NAV2: variants seen among roughly 807,000 people sequenced by gnomAD.
NAV2 encodes the protein helicase, APC down-regulated 1.
In NAV2, 54 loss-of-function variants were observed where a neutral mutation model predicts 223.2. The observed-to-expected ratio is 0.24, with a 90% CI of 0.19 to 0.30. The LOEUF (loss-of-function observed/expected upper bound fraction) is 0.30. NAV2 is among the 10% of genes least tolerant of loss of function. NAV2 has a pLI of 1.00. For missense variants in NAV2, 2,806 were observed against 3,147.5 expected, an observed-to-expected ratio of 0.89 and a Z score of 2.60; for synonymous variants, 1,279 against 1,239.3, an observed-to-expected ratio of 1.03 and a Z score of -0.67.
intron 3 of NAV2, among the ~76,000 whole-genome samples, chr11:19,846,490 A>G (rs1260361022): frequency 6.6e-6 from 1 of 152,186 alleles, no homozygotes; most frequent in South Asian, 2.1e-4. Context: ...TTCTAAAGGA[A>G]AAAATTCGAG....
At position 19,775,245 on chromosome 11, in the gene NAV2, T is replaced by C. The variant is rs551081516; in HGVS notation, c.268-57239T>C. 3.3e-4 allele frequency among the ~76,000 whole-genome samples: 51 copies of C among 152,392 alleles called. 1 individual carries two copies. In the South Asian group the frequency reaches 0.011, roughly 32 times the overall value. Reference sequence around the variant, plus strand: ...CAAATGACACATGCTCTCTCATTTCTGATATGTTGTCCTAGCCTGTGCCCC... The same window carrying C: ...CAAATGACACATGCTCTCTCATTTCCGATATGTTGTCCTAGCCTGTGCCCC... On this transcript the variant is annotated intron_variant, in intron 1 of 37. Transcript: ENST00000349880.
intron 3 of NAV2, among the ~76,000 whole-genome samples, chr11:19,849,635 A>G (rs1490373734): frequency 6.6e-6 from 1 of 152,182 alleles, no homozygotes; most frequent in African/African-American, 2.4e-5. Flanking sequence ...ATGCCTGGGG[A>G]GTGTCTGAGA....
chr11:19,950,001 G>A (rs1261233779), intron 10 of NAV2, among the ~76,000 whole-genome samples: 1 of 152,164 alleles, frequency 6.6e-6, no homozygotes, highest in Non-Finnish European at 1.5e-5. Flanking sequence ...ATAGCACGAG[G>A]CCTGGCTGGT....
chr11:19,349,903 T>A (rs1429852920), upstream of NAV2, among the ~76,000 whole-genome samples: 2 of 152,132 alleles, frequency 1.3e-5, no homozygotes, highest in Non-Finnish European at 2.9e-5. Flanking sequence ...TGCGGCTCCA[T>A]AGGCAGTTGC....
intron 1 of NAV2, among the ~76,000 whole-genome samples, chr11:19,772,517 A>G (rs974286136): frequency 6.6e-6 from 1 of 152,174 alleles, no homozygotes; most frequent in African/African-American, 2.4e-5. Context: ...AGCCACTACT[A>G]TGGCTAGGGT....
chr11:19,497,403 GAT>G (rs2042830351), intron 1 of NAV2, among the ~76,000 whole-genome samples: 1 of 152,226 alleles, frequency 6.6e-6, no homozygotes, highest in African/African-American at 2.4e-5. Context: ...CCTTGACAGA[GAT>G]AGAAGATGCC....
At chr11:20,044,829 A>C (rs1411966405) in intron 13 of NAV2, 139 bp from the exon 14 acceptor site, 1 of 657,762 alleles carries the variant, frequency 1.5e-6, no homozygotes, top group Non-Finnish European at 2.6e-6. Context: ...AGACTATATT[A>C]TTTTTATAAA....
At chr11:19,888,628 T>C (rs2041230343) in intron 5 of NAV2, among the ~76,000 whole-genome samples, 1 of 152,156 alleles carries the variant, frequency 6.6e-6, no homozygotes, top group African/African-American at 2.4e-5. Context: ...CAGGACCAAG[T>C]CCAAGCTCCA....
chr11:19,914,659 C>T (rs1015465187), intron 6 of NAV2, among the ~76,000 whole-genome samples: 1 of 151,932 alleles, frequency 6.6e-6, no homozygotes, highest in Non-Finnish European at 1.5e-5. Flanking sequence ...ATTCTCCTGC[C>T]TCAGCCTCCC....
At chr11:19,520,686 G>A (rs1939021717) in intron 1 of NAV2, among the ~76,000 whole-genome samples, 1 of 152,180 alleles carries the variant, frequency 6.6e-6, no homozygotes, top group Non-Finnish European at 1.5e-5. Context: ...GAGGACATGA[G>A]CTCCCCAGGA....
intron 6 of NAV2, among the ~76,000 whole-genome samples, chr11:19,915,327 G>A (rs1327667197): frequency 6.6e-6 from 1 of 152,192 alleles, no homozygotes; most frequent in Non-Finnish European, 1.5e-5. Flanking sequence ...GGAAATTGTA[G>A]CCAGGTAAAC....
chr11:19,570,615 G>A (rs1037512201), intron 1 of NAV2, among the ~76,000 whole-genome samples: 12 of 152,138 alleles, frequency 7.9e-5, no homozygotes, highest in Admixed American at 2.0e-4. Context: ...CAATTAAAAA[G>A]TGAGCAAAGG....
At chr11:19,675,136 A>G (rs1008767293) in intron 1 of NAV2, among the ~76,000 whole-genome samples, 1 of 152,138 alleles carries the variant, frequency 6.6e-6, no homozygotes, top group Non-Finnish European at 1.5e-5. Context: ...ATGGTAAAAA[A>G]GGCCCTGTTC....
chr11:19,761,967 G>A (rs921718424), intron 1 of NAV2, among the ~76,000 whole-genome samples: 1 of 152,208 alleles, frequency 6.6e-6, no homozygotes, highest in Non-Finnish European at 1.5e-5. Flanking sequence ...ATCTGGCTGG[G>A]TGCAGTGGCT....
chr11:19,630,689 C>T (rs1565119024), intron 1 of NAV2, among the ~76,000 whole-genome samples: 1 of 151,992 alleles, frequency 6.6e-6, no homozygotes, highest in African/African-American at 2.4e-5. Context: ...GAGTTTAAGA[C>T]CAGCCTGGGC....
chr11:19,842,397 G>A (rs2060555600), intron 2 of NAV2, among the ~76,000 whole-genome samples: 1 of 152,184 alleles, frequency 6.6e-6, no homozygotes, highest in Non-Finnish European at 1.5e-5. Flanking sequence ...TTTGGGAATA[G>A]TTATTAGGAC....
intron 1 of NAV2, among the ~76,000 whole-genome samples, chr11:19,812,119 C>T (rs1168136464): frequency 6.6e-6 from 1 of 152,126 alleles, no homozygotes; most frequent in East Asian, 1.9e-4. Flanking sequence ...CAGCAAGCAA[C>T]TCTTGCACAA....
intron 1 of NAV2, among the ~76,000 whole-genome samples, chr11:19,465,417 A>C (rs1852316466): frequency 6.6e-6 from 1 of 152,164 alleles, no homozygotes; most frequent in Admixed American, 6.5e-5. Context: ...TTTGTATTAA[A>C]TAACCATTAT....
intron 16 of NAV2, among the ~76,000 whole-genome samples, chr11:20,050,395 G>T (rs934321438): frequency 6.6e-6 from 1 of 151,942 alleles, no homozygotes; most frequent in Non-Finnish European, 1.5e-5. Flanking sequence ...TGTGTTCTGT[G>T]TGCCCATTTC....
Sources: gnomAD v4.1 joint callset for allele counts (sites outside exome capture counted in the v4.1 genomes callset) on GRCh38, gnomAD v4.1.1 for gene constraint, MANE v1.5 for transcripts, NCBI Gene and HGNC (gene_info 2026-07-23, HGNC 2026-07-21) for gene names.